The following SANBR variants were observed in gnomAD, a reference collection of about 807,000 sequenced individuals.
SANBR encodes the protein SANT and BTB domain regulator of CSR.
A neutral mutation model predicts 101.8 loss-of-function variants in SANBR; 77 were observed. The ratio of observed to expected loss-of-function variants is 0.76; its 90% CI spans 0.63 to 0.91. The LOEUF is 0.91. Among genes scored for constraint, SANBR ranks in the 40% least tolerant of loss-of-function variants. SANBR has a pLI of 0.00. For missense variants in SANBR, 875 were observed against 853.0 expected, an observed-to-expected ratio of 1.03 and a Z score of -0.32; for synonymous variants, 279 against 274.7, an observed-to-expected ratio of 1.02 and a Z score of -0.15.
At position 61,104,004 on chromosome 2, in the gene SANBR, G is replaced by A; in HGVS notation, c.1511+6G>A. The A allele has an allele frequency of 6.2e-7, 1 of 1,613,374 alleles. No individual in the cohort carries two copies. Among genetic ancestry groups the A allele is most frequent in the African/African-American group, 1.3e-5 (1 of 75,008 alleles). On this transcript the variant is annotated splice_donor_region_variant and intron_variant, in intron 13 of 21. Coordinates refer to ENST00000402291, the MANE Select transcript of SANBR (RefSeq NM_001129993.3). ...TTTTCAAAAGATACAGTTAGGTGAGGGGTGGAAAAACCCAACACTGTATTA... is the reference window on the plus strand; with the variant it reads ...TTTTCAAAAGATACAGTTAGGTGAGAGGTGGAAAAACCCAACACTGTATTA...
intron 19 of SANBR, 132 bp downstream of exon 19, chr2:61,117,672 C>G: frequency 1.4e-6 from 1 of 729,058 alleles, no homozygotes; most frequent in Non-Finnish European, 2.3e-6. Flanking sequence ...TTGCATATTC[C>G]CTTAGGCAAC....
chr2:61,092,543 T>A lies in SANBR; in HGVS notation c.1168T>A (p.Leu390Met). The A allele has an allele frequency of 6.2e-7, 1 of 1,606,520 alleles. No individual in the cohort carries two copies. The highest frequency in any genetic ancestry group is 8.5e-7 in the Non-Finnish European group (1 of 1,176,960). ...LKSWRDVYWR[L>M]WGTINWLTCS... ...ATCTTGGAGAGATGTATACTGGCGA[T>A]TGTGGGGAACAATCAATTGGCTGAC... is the stretch of plus-strand genomic sequence containing the variant. Residue 390 changes from leucine to methionine, a missense_variant, in exon 11 of 22, where the codon TTG (leucine) becomes ATG (methionine). Coordinates refer to ENST00000402291, the MANE Select transcript of SANBR (RefSeq NM_001129993.3).
intron 5 of SANBR, among the ~76,000 whole-genome samples, chr2:61,073,953 C>G (rs116031698): frequency 1.4e-4 from 19 of 137,850 alleles, no homozygotes; most frequent in African/African-American, 5.6e-4. Context: ...AAATGTCTTT[C>G]AGTGTATTGC....
At chr2:61,088,132 A>C (rs1682540957) in intron 8 of SANBR, 27 bp from the exon 9 acceptor site, 1 of 1,288,466 alleles carries the variant, frequency 7.8e-7, no homozygotes. Context: ...GTAGAAAATT[A>C]ATATTTTGGT....
At chr2:61,093,183 G>A (rs1682860180) in intron 11 of SANBR, 1 of 152,130 alleles carries the variant, frequency 6.6e-6, no homozygotes, top group African/African-American at 2.4e-5. Flanking sequence ...AGTGGCAAAA[G>A]CAATGGTGCT....
In SANBR at chr2:61,065,896, G is replaced by A. The variant is rs1015258709; in HGVS notation, c.-278G>A. 6.6e-6 allele frequency: 1 copy of A among 152,078 alleles called. No individual in the cohort carries two copies. The highest frequency in any genetic ancestry group is 1.5e-5 in the Non-Finnish European group (1 of 68,022). The allele number at this position is 152,078 out of a possible 1,614,324, so 9.4% of individuals were successfully genotyped here. On this transcript the variant is annotated 5_prime_UTR_variant, in exon 1 of 22. Coordinates refer to ENST00000402291, the MANE Select transcript of SANBR (RefSeq NM_001129993.3). ...AGTCTCCGCAGCCGCCTGCAAGCGGGCGGGGGCGGGGTGTGAGGCGCTGCG... is the reference window on the plus strand; with the variant it reads ...AGTCTCCGCAGCCGCCTGCAAGCGGACGGGGGCGGGGTGTGAGGCGCTGCG...
chr2:61,080,221 A>G (rs2104869145), intron 6 of SANBR, among the ~76,000 whole-genome samples: 1 of 150,596 alleles, frequency 6.6e-6, no homozygotes, highest in South Asian at 2.1e-4. Context: ...AAAAGCAGCA[A>G]AGCTAGTCAT....
intron 20 of SANBR, among the ~76,000 whole-genome samples, chr2:61,133,867 T>A (rs1443244118): frequency 6.6e-6 from 1 of 152,214 alleles, no homozygotes; most frequent in Non-Finnish European, 1.5e-5. Flanking sequence ...CTGATTGTGG[T>A]AATGGTTGCA....
chr2:61,123,456 C>G lies in SANBR; in HGVS notation c.*1294C>G. 1.0e-6 allele frequency: 1 copy of G among 982,684 alleles called. No individual in the cohort carries two copies. 60.9% of individuals were successfully genotyped at this position (982,684 alleles called of 1,614,324 possible). On this transcript the variant is annotated 3_prime_UTR_variant, in exon 22 of 22. Transcript: ENST00000402291. ...AACTGGCTTTGCCAAGGTTTTTGAACTGCTGTTTAGAAATTTTGTTCCCAT... is the reference window on the plus strand; with the variant it reads ...AACTGGCTTTGCCAAGGTTTTTGAAGTGCTGTTTAGAAATTTTGTTCCCAT...
At chr2:61,087,695 C>A (rs756668175) in intron 8 of SANBR, among the ~76,000 whole-genome samples, 1 of 151,764 alleles carries the variant, frequency 6.6e-6, no homozygotes, top group Non-Finnish European at 1.5e-5. Flanking sequence ...ACTAAAAATA[C>A]AAAAAATTTG....
At chr2:61,084,181 T>C (rs979995775) in intron 8 of SANBR, among the ~76,000 whole-genome samples, 2 of 152,242 alleles carry the variant, frequency 1.3e-5, no homozygotes, top group African/African-American at 4.8e-5. Context: ...CTTGAACTCC[T>C]GGGCTCAAGC....
rs774793072 is a variant in SANBR at position 61,117,384 on chromosome 2, G to A, written c.1864G>A (p.Val622Ile). The change falls in exon 18 of 22, where the codon GTT (valine) becomes ATT (isoleucine). Residue 622 changes from valine to isoleucine, a missense_variant and splice_region_variant. Val to Ile is a conservative substitution (Grantham distance 29). Transcript: ENST00000402291. ...KSASRDVSPF[V>I]MSMQKNKWDA... is the part of the protein sequence containing the mutation. ...AGCTTCTAGAGATGTGTCTCCTTTC[G>A]TGTGAGTATTGCTCCTTAATCCAAT... 64 of 1,613,626 alleles carry A rather than the reference G, an allele frequency of 4.0e-5. No individual in the cohort carries two copies. Among genetic ancestry groups the A allele is most frequent in the Non-Finnish European group, 3.1e-5 (37 of 1,179,794 alleles).
intron 20 of SANBR, among the ~76,000 whole-genome samples, chr2:61,132,270 A>G (rs143402797): frequency 9.2e-5 from 14 of 152,372 alleles, no homozygotes; most frequent in African/African-American, 2.6e-4. Context: ...TATGTATCTG[A>G]TAAGGAAACG....
intron 21 of SANBR, chr2:61,134,367 G>A (rs573130672): frequency 1.5e-6 from 2 of 1,309,472 alleles, no homozygotes; most frequent in South Asian, 1.6e-5. Flanking sequence ...TTTTTGGCTT[G>A]GCTCACGTTA....
chr2:61,075,711 T>C (rs1043785620), intron 5 of SANBR, among the ~76,000 whole-genome samples: 7 of 151,774 alleles, frequency 4.6e-5, no homozygotes, highest in African/African-American at 1.7e-4. Flanking sequence ...TTTATTAATT[T>C]ATATTTAATA....
intron 20 of SANBR, among the ~76,000 whole-genome samples, chr2:61,119,832 G>A (rs1163622451): frequency 6.6e-6 from 1 of 152,078 alleles, no homozygotes; most frequent in Non-Finnish European, 1.5e-5. Flanking sequence ...TATGGTGGTG[G>A]ATGCCTGTAG....
At chr2:61,087,268 A>G (rs1281669293) in intron 8 of SANBR, among the ~76,000 whole-genome samples, 1 of 152,198 alleles carries the variant, frequency 6.6e-6, no homozygotes, top group African/African-American at 2.4e-5. Context: ...ACAAAGGACT[A>G]AAAGAGGCCA....
rs1684385255 is a variant in SANBR, at chr2:61,122,768, T to C, written c.*606T>C. ...CAGCATTATATCGTGGAAAGTACAA[T>C]GTTAATCCAACTTTTTTTTCTTTCA... On this transcript the variant is annotated 3_prime_UTR_variant, in exon 22 of 22. Transcript: ENST00000402291. The C allele has an allele frequency of 1.0e-6, 1 of 985,330 alleles. No homozygotes were observed. The highest frequency in any genetic ancestry group is 4.7e-5 in the South Asian group (1 of 21,296). 61.0% of individuals were successfully genotyped at this position (985,330 alleles called of 1,614,324 possible).
At chr2:61,083,502 T>A (rs922766830) in intron 8 of SANBR, among the ~76,000 whole-genome samples, 188 bp downstream of exon 8, 1 of 149,706 alleles carries the variant, frequency 6.7e-6, no homozygotes, top group African/African-American at 2.5e-5. Flanking sequence ...GCTCTGGTGA[T>A]CCTCCCACCT....
Sources: allele counts gnomAD v4.1 joint callset (sites outside exome capture counted in the v4.1 genomes callset), GRCh38; gene constraint gnomAD v4.1.1; transcripts MANE v1.5; gene names NCBI Gene and HGNC (gene_info 2026-07-23, HGNC 2026-07-21).